SCYL1: variants seen among roughly 807,000 people sequenced by gnomAD.
SCYL1 encodes the protein SCY1 like pseudokinase 1, also known as N-terminal kinase-like protein.
In SCYL1, 85 loss-of-function variants were observed where a neutral mutation model predicts 94.8. The observed-to-expected ratio is 0.90, with a 90% CI of 0.75 to 1.07. The LOEUF is 1.07. Ranked by LOEUF, SCYL1 falls within the 50% of genes least tolerant of loss-of-function variation. SCYL1 has a pLI of 0.00. For missense variants in SCYL1, 968 were observed against 1,083.3 expected (o/e 0.89, Z 1.49); for synonymous variants, 459 against 435.5 (o/e 1.05, Z -0.67).
intron 9 of SCYL1, among the ~76,000 whole-genome samples, chr11:65,534,707 T>G (rs1316505895): frequency 6.6e-6 from 1 of 152,132 alleles, no homozygotes; most frequent in Non-Finnish European, 1.5e-5. Context: ...AAAAGAGCCC[T>G]CTAGATTGGC....
At position 65,526,704 on chromosome 11, in the gene SCYL1, G is replaced by A; in HGVS notation, c.603-79G>A. ...CATAGCCAGGCCCTGGCATGCAGTG[G>A]GTGCCTGGTGCCCAAGGCAGGCTGG... On this transcript the variant is annotated intron_variant, in intron 4 of 17. Transcript: ENST00000270176. The surrounding 1 kb of genome is among the most constrained non-coding windows in gnomAD (Gnocchi z 4.1). 2.2e-6 allele frequency: 3 copies of A among 1,369,094 alleles called. No homozygotes were observed. The highest frequency in any genetic ancestry group is 3.0e-6 in the Non-Finnish European group (3 of 984,066). The allele number at this position is 1,369,094 out of a possible 1,614,324, so 84.8% of individuals were successfully genotyped here. A position where few individuals can be genotyped will look rare whatever the true frequency, so the allele number is the denominator to read the frequency against.
At chr11:65,537,902 G>A (rs1430214903) in intron 15 of SCYL1, 22 bp downstream of exon 15, 15 of 1,580,538 alleles carry the variant, frequency 9.5e-6, no homozygotes, top group Non-Finnish European at 1.3e-5. Context: ...CTGGTGGGGA[G>A]GTGTGTGTAT....
At chr11:65,531,369 C>T (rs1050744309) in intron 7 of SCYL1, among the ~76,000 whole-genome samples, 1 of 152,186 alleles carries the variant, frequency 6.6e-6, no homozygotes, top group Non-Finnish European at 1.5e-5. Context: ...GAGCTTTCAT[C>T]AGCCTCCTGA....
intron 1 of SCYL1, 92 bp downstream of exon 1, chr11:65,525,356 G>A (rs1313034958): frequency 2.6e-6 from 3 of 1,142,946 alleles, no homozygotes; most frequent in East Asian, 5.9e-5. Flanking sequence ...GGCCTGACGT[G>A]GCGGCGGAAC....
intron 8 of SCYL1, 88 bp from the exon 9 acceptor site, chr11:65,532,604 G>A: frequency 9.1e-7 from 1 of 1,103,306 alleles, no homozygotes; most frequent in Non-Finnish European, 1.4e-6. Context: ...CCTGCTGGGT[G>A]GAAAAGCTAA....
intron 15 of SCYL1, 22 bp from the exon 16 acceptor site, chr11:65,537,945 T>TCCC: frequency 6.3e-7 from 1 of 1,597,762 alleles, no homozygotes; most frequent in Non-Finnish European, 8.5e-7. Context: ...CAGGGCTACT[T>TCCC]CCCCCTCCCG....
rs745942710 is a variant in SCYL1 at position 65,525,623 on chromosome 11, C to T, written c.161C>T (p.Ala54Val). 3 of 1,612,778 alleles carry T rather than the reference C, an allele frequency of 1.9e-6. No homozygotes were observed. In the South Asian group the frequency reaches 3.3e-5, roughly 18 times the overall value. Reference protein sequence around the residue: ...SIFVYDVKPGAEEQTQVAKAA... With the variant: ...SIFVYDVKPGVEEQTQVAKAA... ...TTCGTCTATGATGTGAAGCCTGGCG[C>T]GGAAGAGCAGACCCAGGTGGCCAAA... Residue 54 changes from alanine (A) to valine (V), a missense_variant, in exon 2 of 18, where the codon GCG (alanine) becomes GTG (valine). Around this residue, in one of 2 missense-constraint regions of SCYL1, gnomAD observed 494 missense variants for 619.7 expected, o/e 0.80. Transcript: ENST00000270176.
chr11:65,532,639 G>A, intron 8 of SCYL1, 53 bp from the exon 9 acceptor site: 1 of 1,425,520 alleles, frequency 7.0e-7, no homozygotes. Flanking sequence ...CATGGCTATG[G>A]GGATAGAGTG....
At chr11:65,527,144 C>G (rs757803428) in intron 6 of SCYL1, 27 bp downstream of exon 6, 1 of 1,606,308 alleles carries the variant, frequency 6.2e-7, no homozygotes, top group South Asian at 1.1e-5. Context: ...CCCTGGGCTT[C>G]GACCCTATCT....
Position 65,538,448 on chromosome 11 carries a change from T to A in SCYL1, c.2309T>A (p.Val770Asp), listed in dbSNP as rs769900982. 1.9e-5 allele frequency: 30 copies of A among 1,558,730 alleles called. No homozygotes were observed. Among genetic ancestry groups the A allele is most frequent in the South Asian group, 2.4e-5 (2 of 85,094 alleles). Residue 770 changes from valine to aspartate, a missense_variant, in exon 18 of 18, where the codon GTC becomes GAC. Around this residue, in one of 2 missense-constraint regions of SCYL1, gnomAD observed 474 missense variants for 463.6 expected, o/e 1.02. Coordinates refer to ENST00000270176, the MANE Select transcript of SCYL1 (RefSeq NM_020680.4). ...WEGLETDSRQ[V>D]KAELARKKRE... ...CTCCCCTTCCTGACGCCAGGACAGG[T>A]CAAGGCTGAGCTGGCCCGGAAGAAG...
At chr11:65,535,597 C>T (rs1237587987) in intron 10 of SCYL1, 2 of 661,140 alleles carry the variant, frequency 3.0e-6, no homozygotes, top group Non-Finnish European at 5.0e-6. Context: ...CGTGCTTGGC[C>T]CCATGGCCTG....
In SCYL1 at chr11:65,537,048, A is replaced by G; in HGVS notation, c.1879A>G (p.Thr627Ala). ...CCCTACAACCTCAGGCCACTGGGAG[A>G]CGCAGGAGGAGGACAAGGACACAGC... ...ATPTTSGHWE[T>A]QEEDKDTAED... Residue 627 changes from threonine to alanine, a missense_variant, in exon 14 of 18, where the codon ACG becomes GCG. Transcript: ENST00000270176. 6.2e-7 allele frequency: 1 copy of G among 1,613,716 alleles called. No individual in the cohort carries two copies. Among genetic ancestry groups the G allele is most frequent in the Non-Finnish European group, 8.5e-7 (1 of 1,179,728 alleles).
rs760594349 is a variant in SCYL1 at position 65,527,091 on chromosome 11, A to C, written c.823A>C (p.Thr275Pro). 2.5e-6 allele frequency: 4 copies of C among 1,613,488 alleles called. No homozygotes were observed. The highest frequency in any genetic ancestry group is 3.4e-6 in the Non-Finnish European group (4 of 1,179,932). ...CTTCATGAGCAACCGCTTTGTAGAA[A>C]CCAACCTCTTCCTGGAGGAGATTCA... ...GGFMSNRFVE[T>P]NLFLEEIQIK... Residue 275 changes from threonine (T) to proline (P), a missense_variant, in exon 6 of 18, where the codon ACC becomes CCC. By Grantham distance (38) the Thr-to-Pro change is conservative. Coordinates refer to ENST00000270176, the MANE Select transcript of SCYL1 (RefSeq NM_020680.4).
chr11:65,526,192 C>A lies in SCYL1; in HGVS notation c.444C>A (p.Phe148Leu). The A allele has an allele frequency of 6.2e-7, 1 of 1,613,434 alleles. No homozygotes were observed. Among genetic ancestry groups the A allele is most frequent in the Non-Finnish European group, 8.5e-7 (1 of 1,179,996 alleles). The change falls in exon 4 of 18, where the codon TTC (phenylalanine) becomes TTA (leucine). Residue 148 changes from phenylalanine to leucine, a missense_variant. Transcript: ENST00000270176. The surrounding 1 kb of genome is among the most constrained non-coding windows in gnomAD (Gnocchi z 4.1). The part of the protein sequence containing the change: ...IHNNVCMAAV[F>L]VDRAGEWKLG... ...ACAATGTCTGCATGGCCGCCGTGTT[C>A]GTGGACCGAGCTGGCGAGTGGAAGC...
Position 65,532,688 on chromosome 11 carries a change from A to G in SCYL1, c.1117-4A>G. On this transcript the variant is annotated splice_region_variant and splice_polypyrimidine_tract_variant and intron_variant, in intron 8 of 17. Coordinates refer to ENST00000270176, the MANE Select transcript of SCYL1 (RefSeq NM_020680.4). ...ATGTTGACGCATCCCAACCTGGGCC[A>G]CAGATGGAGCAGTTCATCCAGTACC... 11 of 1,612,640 alleles carry G rather than the reference A, an allele frequency of 6.8e-6. No individual in the cohort carries two copies. The highest frequency in any genetic ancestry group is 9.3e-6 in the Non-Finnish European group (11 of 1,178,720).
chr11:65,526,779 A>G lies in SCYL1; in HGVS notation c.603-4A>G. Reference sequence around the variant, plus strand: ...GCCCTAAGAGCTCTGGGTCACTGCCACAGGTCAGCAGACATGTGGCGCTTG... The same window carrying G: ...GCCCTAAGAGCTCTGGGTCACTGCCGCAGGTCAGCAGACATGTGGCGCTTG... On this transcript the variant is annotated splice_polypyrimidine_tract_variant and splice_region_variant and intron_variant, in intron 4 of 17. Coordinates refer to ENST00000270176, the MANE Select transcript of SCYL1 (RefSeq NM_020680.4). This position sits in a 1 kb window ranked among gnomAD's most constrained non-coding sequence, Gnocchi z 4.1. The G allele has an allele frequency of 1.2e-6, 2 of 1,611,304 alleles. No individual in the cohort carries two copies. The highest frequency in any genetic ancestry group is 1.7e-6 in the Non-Finnish European group (2 of 1,179,128).
Position 65,527,129 on chromosome 11 carries a change from A to G in SCYL1, c.849+12A>G. On this transcript the variant is annotated intron_variant, in intron 6 of 17. Coordinates refer to ENST00000270176, the MANE Select transcript of SCYL1 (RefSeq NM_020680.4). ...TGGAGGAGATTCAGGTGAGCCCCCA[A>G]CCCACCCTGGGCTTCGACCCTATCT... 1 of 1,610,604 alleles carries G rather than the reference A, an allele frequency of 6.2e-7. No homozygotes were observed. Among genetic ancestry groups the G allele is most frequent in the Non-Finnish European group, 8.5e-7 (1 of 1,177,778 alleles).
chr11:65,525,210 GCCC>G lies in SCYL1; in HGVS notation c.60_62del (p.Pro21del). ...ACTTTCCGTTCGAGCTCATCCCGGA[GCCC>G]CCAGAGGGCGGCCTGCCCGGGCCCT... On this transcript the variant is annotated inframe_deletion, in exon 1 of 18. Coordinates refer to ENST00000270176, the MANE Select transcript of SCYL1 (RefSeq NM_020680.4). The G allele has an allele frequency of 2.1e-6, 3 of 1,457,850 alleles. No individual in the cohort carries two copies. The highest frequency in any genetic ancestry group is 2.7e-6 in the Non-Finnish European group (3 of 1,100,992). The allele number at this position is 1,457,850 out of a possible 1,614,324, so 90.3% of individuals were successfully genotyped here.
rs938428626 is a variant in SCYL1, at chr11:65,535,943, C to T, written c.1387-10C>T. ...TACACTCAGGAGCCCTCTTTCCTGC[C>T]CCATCGTAGACCAGACACAGGGTCC... On this transcript the variant is annotated splice_polypyrimidine_tract_variant and intron_variant, in intron 10 of 17. Transcript: ENST00000270176. 1.3e-6 allele frequency: 2 copies of T among 1,564,276 alleles called. No individual in the cohort carries two copies. Among genetic ancestry groups the T allele is most frequent in the Non-Finnish European group, 1.7e-6 (2 of 1,154,404 alleles).
Sources: gnomAD v4.1 joint callset for allele counts (sites outside exome capture counted in the v4.1 genomes callset) on GRCh38, gnomAD v4.1.1 for gene constraint, gnomAD v4.1.1 regional missense constraint, Gnocchi (gnomAD v3.1) non-coding constraint, MANE v1.5 for transcripts, NCBI Gene and HGNC (gene_info 2026-07-23, HGNC 2026-07-21) for gene names.